BRCA1: variants seen among roughly 807,000 people sequenced by gnomAD.
BRCA1 encodes the protein breast cancer type 1 susceptibility protein.
Under a neutral mutation model 173.7 loss-of-function variants are expected in BRCA1, and 140 were observed. That is an observed-to-expected ratio of 0.81 (90% CI 0.70 to 0.93). The LOEUF is 0.93. BRCA1 is among the 40% of genes least tolerant of loss of function. The probability of loss-of-function intolerance (pLI) is 0.00; values close to 1 mark genes in which losing one functional copy is unlikely to be tolerated. For synonymous variants in BRCA1, 662 were observed against 756.0 expected, an observed-to-expected ratio of 0.88 and a Z score of 2.04; for missense variants, 1,983 against 2,172.5, an observed-to-expected ratio of 0.91 and a Z score of 1.73.
chr17:43,141,073 A>C (rs1037428899), intron 1 of BRCA1, among the ~76,000 whole-genome samples: 3 of 152,100 alleles, frequency 2.0e-5, no homozygotes, highest in Admixed American at 6.6e-5. Context: ...CGTCAGTGAG[A>C]TGGAGACAGA....
chr17:43,048,404 T>C (rs1337572234), intron 21 of BRCA1, among the ~76,000 whole-genome samples: 1 of 152,102 alleles, frequency 6.6e-6, no homozygotes, highest in African/African-American at 2.4e-5. Flanking sequence ...GGTTTCGCCA[T>C]GTTGGTTGGC....
chr17:43,048,288 C>T (rs541968959), intron 21 of BRCA1, among the ~76,000 whole-genome samples: 14 of 151,202 alleles, frequency 9.3e-5, no homozygotes, highest in Middle Eastern at 3.6e-3. Context: ...CTGCAACCTC[C>T]GCCTCCGGGG....
chr17:43,158,485 G>T (rs1395394714), intron 1 of BRCA1, among the ~76,000 whole-genome samples: 3 of 152,066 alleles, frequency 2.0e-5, no homozygotes, highest in Non-Finnish European at 4.4e-5. Context: ...TGATTGACAT[G>T]ACTCCAAATA....
rs1205236057 is a variant in BRCA1, at chr17:43,106,118, T to C, written c.212+338A>G. 4.3e-4 allele frequency among the ~76,000 whole-genome samples: 53 copies of C among 124,494 alleles called. 1 individual carries two copies. Among genetic ancestry groups the C allele is most frequent in the African/African-American group, 1.5e-3 (53 of 34,252 alleles). The allele number at this position is 124,494 out of a possible 152,430, so 81.7% of individuals were successfully genotyped here. On this transcript the variant is annotated intron_variant, in intron 4 of 22. Transcript: ENST00000357654. ...TCAGTGACAGAGCAGGACCCTGTCT[T>C]AAAAAAAAAAAAAAAAAGAAAAGGA...
At chr17:43,144,845 A>C (rs1380580206) in intron 1 of BRCA1, 3 of 488,846 alleles carry the variant, frequency 6.1e-6, no homozygotes, top group Non-Finnish European at 1.2e-5. Flanking sequence ...ACATAGCGAG[A>C]GCAGCTCCGG....
chr17:43,048,722 T>C (rs1030545514), intron 21 of BRCA1, among the ~76,000 whole-genome samples: 6 of 150,014 alleles, frequency 4.0e-5, no homozygotes, highest in East Asian at 3.9e-4. Flanking sequence ...GGTTTCACCA[T>C]GTTGGCCAGG....
At position 43,080,890 on chromosome 17, in the gene BRCA1, T is replaced by TA. The variant is rs200147389; in HGVS notation, c.4357+1513dup. ...TTAACAGTGCGTCCCTGTCTCTACT[T>TA]AAAAAAAAAATTAAAGAAAAGAAAA... is the stretch of plus-strand genomic sequence containing the variant. On this transcript the variant is annotated intron_variant, in intron 12 of 22. Coordinates refer to ENST00000357654, the MANE Select transcript of BRCA1 (RefSeq NM_007294.4). Among the ~76,000 whole-genome samples, 421 of 149,338 alleles carry TA rather than the reference T, an allele frequency of 2.8e-3. 5 individuals are homozygous for TA. The highest frequency in any genetic ancestry group is 0.01 in the African/African-American group (408 of 40,762).
intron 1 of BRCA1, among the ~76,000 whole-genome samples, chr17:43,154,743 TAAAAC>T (rs2056185839): frequency 6.6e-6 from 1 of 152,060 alleles, no homozygotes; most frequent in Admixed American, 6.6e-5. Flanking sequence ...GTTTACAAAA[TAAAAC>T]CTGCTCTCAC....
intron 19 of BRCA1, among the ~76,000 whole-genome samples, chr17:43,056,416 C>T (rs995405680): frequency 6.6e-6 from 1 of 152,092 alleles, no homozygotes; most frequent in Non-Finnish European, 1.5e-5. Flanking sequence ...TTGGCTCAAG[C>T]GATCTGCCTG....
At chr17:43,164,228 G>C (rs1429448338) in intron 1 of BRCA1, 2 of 152,134 alleles carry the variant, frequency 1.3e-5, no homozygotes, top group Non-Finnish European at 2.9e-5. Flanking sequence ...AAACTGGTTG[G>C]GGCAGTCCAT....
chr17:43,127,400 G>A (rs1269177801), upstream of BRCA1, among the ~76,000 whole-genome samples: 1 of 152,136 alleles, frequency 6.6e-6, no homozygotes. Context: ...GGCACTTGGA[G>A]AACTTCTGTG....
chr17:43,117,899 C>G (rs372629702), intron 2 of BRCA1, among the ~76,000 whole-genome samples: 2 of 152,148 alleles, frequency 1.3e-5, no homozygotes, highest in Non-Finnish European at 2.9e-5. Context: ...TATTCAAGTA[C>G]TATTCTAGGA....
chr17:43,137,264 C>G (rs1045826681), intron 1 of BRCA1, among the ~76,000 whole-genome samples: 1 of 114,730 alleles, frequency 8.7e-6, no homozygotes, highest in Non-Finnish European at 1.6e-5. Context: ...ACATCACACA[C>G]CAGAGCCTAT....
chr17:43,140,643 G>A (rs747076958), intron 1 of BRCA1, among the ~76,000 whole-genome samples: 22 of 151,986 alleles, frequency 1.4e-4, no homozygotes, highest in Admixed American at 3.3e-4. Flanking sequence ...CTTTCCAGCC[G>A]ACCAAGAGCA....
chr17:43,144,257 G>T, intron 1 of BRCA1: 1 of 321,382 alleles, frequency 3.1e-6, no homozygotes, highest in Non-Finnish European at 6.3e-6. Flanking sequence ...CCTCCATCTT[G>T]TAAGGGCGAA....
At chr17:43,123,516 A>T (rs1045673749) in intron 2 of BRCA1, among the ~76,000 whole-genome samples, 1 of 151,834 alleles carries the variant, frequency 6.6e-6, no homozygotes, top group African/African-American at 2.4e-5. Context: ...CGCCCAGCTA[A>T]TTTTTGTATT....
At chr17:43,061,279 G>C (rs753549438) in intron 18 of BRCA1, among the ~76,000 whole-genome samples, 8 of 152,094 alleles carry the variant, frequency 5.3e-5, no homozygotes, top group Non-Finnish European at 8.8e-5. Context: ...TTTTCAGAAA[G>C]GCTTTCCCTG....
At position 43,085,058 on chromosome 17, in the gene BRCA1, T is replaced by C. The variant is rs8176177; in HGVS notation, c.4186-2483A>G. Among the ~76,000 whole-genome samples the C allele has an allele frequency of 4.4e-3, 676 of 152,258 alleles. 6 individuals are homozygous for C. The highest frequency in any genetic ancestry group is 0.015 in the African/African-American group (622 of 41,552). On this transcript the variant is annotated intron_variant, in intron 11 of 22. Transcript: ENST00000357654. ...AATACATTAGGGAGAATAAAACCAATAGGTTTCTAAGACTTCTTGATTCTA... is the reference window on the plus strand; with the variant it reads ...AATACATTAGGGAGAATAAAACCAACAGGTTTCTAAGACTTCTTGATTCTA...
At chr17:43,157,784 G>C (rs1160565448) in intron 1 of BRCA1, among the ~76,000 whole-genome samples, 1 of 152,024 alleles carries the variant, frequency 6.6e-6, no homozygotes, top group African/African-American at 2.4e-5. Context: ...ATCACCTGAG[G>C]CTGGGAGTTT....
Sources: allele counts gnomAD v4.1 joint callset (sites outside exome capture counted in the v4.1 genomes callset), GRCh38; gene constraint gnomAD v4.1.1; transcripts MANE v1.5; gene names NCBI Gene and HGNC (gene_info 2026-07-23, HGNC 2026-07-21).